The following CASP9 variants were observed in gnomAD, a reference collection of about 807,000 sequenced individuals.
CASP9 encodes caspase 9, also known as caspase-9.
CASP9 carries 29 observed loss-of-function variants against 43.5 expected under a neutral mutation model. The observed-to-expected ratio is 0.67, with a 90% CI of 0.50 to 0.91. The LOEUF is 0.91. Among genes scored for constraint, CASP9 ranks in the 40% least tolerant of loss-of-function variants. CASP9 has a pLI of 0.00. For missense variants in CASP9, 575 were observed against 537.4 expected (o/e 1.07, Z -0.69); for synonymous variants, 206 against 211.9 (o/e 0.97, Z 0.24).
intron 7 of CASP9, 140 bp from the exon 8 acceptor site, chr1:15,494,141 C>G: frequency 1.0e-6 from 1 of 964,392 alleles, no homozygotes; most frequent in Non-Finnish European, 1.5e-6. Context: ...AGCCTGGCCC[C>G]TGAGGCTCTG....
intron 1 of CASP9, among the ~76,000 whole-genome samples, chr1:15,522,377 C>G (rs1461740456): frequency 6.6e-6 from 1 of 152,140 alleles, no homozygotes; most frequent in Non-Finnish European, 1.5e-5. Flanking sequence ...ACATTTTAAG[C>G]CAGGGAATTT....
chr1:15,505,491 C>A (rs928460615), intron 5 of CASP9, among the ~76,000 whole-genome samples: 2 of 152,218 alleles, frequency 1.3e-5, no homozygotes, highest in African/African-American at 2.4e-5. Flanking sequence ...CTCCAGGCCC[C>A]AGCTTATAAC....
chr1:15,500,532 C>T (rs11589076), intron 6 of CASP9, among the ~76,000 whole-genome samples: 41,597 of 152,084 alleles, frequency 0.27, 6,522 homozygotes, highest in African/African-American at 0.42. Flanking sequence ...ATGAGGGGCG[C>T]GGAATTCTGC....
intron 2 of CASP9, among the ~76,000 whole-genome samples, chr1:15,516,541 A>T (rs1264034243): frequency 6.6e-6 from 1 of 152,030 alleles, no homozygotes; most frequent in Non-Finnish European, 1.5e-5. Context: ...GGATCTCACT[A>T]AGTTACCCAG....
chr1:15,518,516 C>T (rs1710048689), intron 1 of CASP9, 121 bp from the exon 2 acceptor site: 5 of 1,012,538 alleles, frequency 4.9e-6, no homozygotes, highest in Non-Finnish European at 5.5e-6. Context: ...AGCAATGGAG[C>T]TGCAGGTGCA....
chr1:15,512,871 G>A (rs963437313), intron 2 of CASP9, among the ~76,000 whole-genome samples: 1 of 152,094 alleles, frequency 6.6e-6, no homozygotes, highest in East Asian at 1.9e-4. Flanking sequence ...AAGGACAAAT[G>A]GCTTGGCCAG....
At chr1:15,503,275 C>G (rs1709396858) in intron 6 of CASP9, among the ~76,000 whole-genome samples, 1 of 152,114 alleles carries the variant, frequency 6.6e-6, no homozygotes, top group South Asian at 2.1e-4. Flanking sequence ...CCTGTAGCCC[C>G]AGCTACTCAG....
intron 1 of CASP9, among the ~76,000 whole-genome samples, 183 bp downstream of exon 1, chr1:15,523,886 T>A (rs535199815): frequency 7.2e-6 from 1 of 138,082 alleles, no homozygotes; most frequent in Non-Finnish European, 1.6e-5. Context: ...GCACTAACAG[T>A]GTACGCTGAC....
At chr1:15,516,812 T>A (rs1419686279) in intron 2 of CASP9, among the ~76,000 whole-genome samples, 3 of 152,184 alleles carry the variant, frequency 2.0e-5, no homozygotes, top group African/African-American at 7.2e-5. Context: ...ATCAATGAGG[T>A]GTGTCCCACA....
At chr1:15,500,919 C>T (rs138297175) in intron 6 of CASP9, among the ~76,000 whole-genome samples, 116 of 152,106 alleles carry the variant, frequency 7.6e-4, no homozygotes, top group Non-Finnish European at 1.4e-3. Flanking sequence ...TCAGGCGGGG[C>T]GCTAAGGCAG....
intron 6 of CASP9, among the ~76,000 whole-genome samples, chr1:15,499,929 G>A (rs1709255867): frequency 6.6e-6 from 1 of 152,146 alleles, no homozygotes. Context: ...CAAAGGCAGT[G>A]CCAAGCTTGG....
At chr1:15,494,408 T>C (rs577635330) in intron 7 of CASP9, among the ~76,000 whole-genome samples, 55 of 151,944 alleles carry the variant, frequency 3.6e-4, no homozygotes, top group Admixed American at 3.1e-3. Flanking sequence ...CTACTAAAAA[T>C]ACAAAAATTA....
chr1:15,511,248 TTTTTG>T (rs1279881333), intron 2 of CASP9, among the ~76,000 whole-genome samples: 2 of 152,146 alleles, frequency 1.3e-5, no homozygotes, highest in Admixed American at 1.3e-4. Context: ...CCTAGATACC[TTTTTG>T]TTTTGTTTTG....
At chr1:15,498,359 AT>A (rs34667779) in intron 6 of CASP9, among the ~76,000 whole-genome samples, 41,303 of 147,838 alleles carry the variant, frequency 0.28, 6,442 homozygotes, top group African/African-American at 0.42. Flanking sequence ...GATTACAGGC[AT>A]TTTTTTTTTT....
chr1:15,495,111 C>T (rs1259823346), intron 7 of CASP9, among the ~76,000 whole-genome samples, 162 bp downstream of exon 7: 2 of 151,960 alleles, frequency 1.3e-5, no homozygotes, highest in East Asian at 3.9e-4. Flanking sequence ...GCCCGCTCAG[C>T]CTGAGCCGAG....
At chr1:15,494,564 CAAAA>C (rs34522526) in intron 7 of CASP9, among the ~76,000 whole-genome samples, 2 of 97,388 alleles carry the variant, frequency 2.1e-5, no homozygotes, top group Non-Finnish European at 2.2e-5. Flanking sequence ...GACTCCGTCT[CAAAA>C]AAAAAAAAAA....
In CASP9 at chr1:15,506,002, A is replaced by G. The variant is rs1288869960; in HGVS notation, c.708T>C (p.Ser236=). 9 of 1,613,704 alleles carry G rather than the reference A, an allele frequency of 5.6e-6. No homozygotes were observed. The highest frequency in any genetic ancestry group is 6.8e-6 in the Non-Finnish European group (8 of 1,179,706). ...ALDCCVVVIL[S]HGCQASHLQF... is the part of the protein sequence containing the mutation. ...GGAGGCTTCCTACCTGACAGCCGTG[A>G]GAGAGAATGACCACCACGCAGCAGT... The change falls in exon 5 of 9, where the codon TCT becomes TCC. Residue 236 remains serine (S), a synonymous_variant. Coordinates refer to ENST00000333868, the MANE Select transcript of CASP9 (RefSeq NM_001229.5).
intron 6 of CASP9, among the ~76,000 whole-genome samples, chr1:15,500,329 G>A (rs1226118661): frequency 2.0e-5 from 3 of 152,254 alleles, no homozygotes; most frequent in South Asian, 2.1e-4. Context: ...TGGCCGCAAC[G>A]CAGGCAGGTT....
Position 15,493,968 on chromosome 1 carries a change from G to A in CASP9, c.1082C>T (p.Ser361Phe). The change falls in exon 8 of 9, where the codon TCC (serine) becomes TTC (phenylalanine). Residue 361 changes from serine (S) to phenylalanine (F), a missense_variant. Coordinates refer to ENST00000333868, the MANE Select transcript of CASP9 (RefSeq NM_001229.5). ...GTCGTCCAGGGTCTCAACGTACCAG[G>A]AGCCACTCTTGGGGTCCCTCCAGGA... ...FVSWRDPKSG[S>F]WYVETLDDIF... 2 of 1,602,256 alleles carry A rather than the reference G, an allele frequency of 1.2e-6. No homozygotes were observed. The highest frequency in any genetic ancestry group is 1.7e-6 in the Non-Finnish European group (2 of 1,174,058).
Sources: allele counts gnomAD v4.1 joint callset (sites outside exome capture counted in the v4.1 genomes callset), GRCh38; gene constraint gnomAD v4.1.1; transcripts MANE v1.5; gene names NCBI Gene and HGNC (gene_info 2026-07-23, HGNC 2026-07-21).